Variants in USP47 observed in about 807,000 individuals in gnomAD.
USP47 encodes the protein ubiquitin specific peptidase 47, also known as ubiquitin carboxyl-terminal hydrolase 47.
Under a neutral mutation model 165.1 loss-of-function variants are expected in USP47, and 35 were observed. That is an observed-to-expected ratio of 0.21 (90% confidence interval 0.16 to 0.28). USP47 has a LOEUF of 0.28. Among genes scored for constraint, USP47 ranks in the 10% least tolerant of loss-of-function variants. The pLI, the probability that USP47 is intolerant of heterozygous loss-of-function variation, is 1.00. For missense variants in USP47, 1,277 were observed against 1,607.4 expected (o/e 0.79, Z 3.52); for synonymous variants, 531 against 544.5 (o/e 0.98, Z 0.35).
intron 4 of USP47, among the ~76,000 whole-genome samples, chr11:11,895,280 C>CA (rs895813214): frequency 6.6e-6 from 1 of 152,134 alleles, no homozygotes; most frequent in Non-Finnish European, 1.5e-5. Flanking sequence ...TACTGTTCCT[C>CA]ACACACCTCT....
chr11:11,874,740 G>A (rs916204586), intron 1 of USP47, among the ~76,000 whole-genome samples: 22 of 152,004 alleles, frequency 1.4e-4, no homozygotes, highest in African/African-American at 4.6e-4. Flanking sequence ...TTTATTTTTC[G>A]TAGAGACAAG....
rs761261873 is a variant in USP47, at chr11:11,903,234, A to G, written c.740-29A>G. ...GTTTCATTACATAAAGTTTATAGCT[A>G]TTTCTAATTGAATTTTATCTTAAAA... On this transcript the variant is annotated intron_variant, in intron 6 of 27. Transcript: ENST00000527733. The G allele has an allele frequency of 1.1e-4, 180 of 1,593,132 alleles. 1 individual carries two copies. The highest frequency in any genetic ancestry group is 1.0e-3 in the Middle Eastern group (6 of 6,020).
rs145565815 is a variant in USP47, at chr11:11,895,964, T to C, written c.497-1633T>C. Among the ~76,000 whole-genome samples, 502 of 152,360 alleles carry C rather than the reference T, an allele frequency of 3.3e-3. 3 individuals are homozygous for C. The highest frequency in any genetic ancestry group is 5.4e-3 in the Admixed American group (83 of 15,296). On this transcript the variant is annotated intron_variant, in intron 4 of 27. Coordinates refer to ENST00000527733, the MANE Select transcript of USP47 (RefSeq NM_001282659.2). ...TAACTATTTCAGATGTAGAATCCAC[T>C]TGATAATAGCTGCCATTTGAAGTTT... is the stretch of plus-strand genomic sequence containing the variant.
chr11:11,848,418 A>C (rs1362812803), intron 1 of USP47, among the ~76,000 whole-genome samples: 1 of 152,194 alleles, frequency 6.6e-6, no homozygotes, highest in East Asian at 1.9e-4. Flanking sequence ...GTACAGTAAA[A>C]ATATGGTATT....
intron 8 of USP47, among the ~76,000 whole-genome samples, chr11:11,908,097 A>C (rs560535123): frequency 1.3e-5 from 2 of 151,516 alleles, no homozygotes; most frequent in South Asian, 2.1e-4. Flanking sequence ...CAAAAAAAAC[A>C]AAAAAAGATA....
At chr11:11,882,313 A>ATG (rs1163380193) in intron 2 of USP47, among the ~76,000 whole-genome samples, 1 of 152,172 alleles carries the variant, frequency 6.6e-6, no homozygotes, top group Non-Finnish European at 1.5e-5. Context: ...GTGAAGTTGA[A>ATG]TGTGTATCCC....
intron 8 of USP47, among the ~76,000 whole-genome samples, chr11:11,911,722 G>A (rs1446105188): frequency 6.6e-6 from 1 of 152,130 alleles, no homozygotes; most frequent in African/African-American, 2.4e-5. Flanking sequence ...AAATAGCAAA[G>A]AGGTAGAACT....
chr11:11,921,156 T>C (rs1853807192), intron 10 of USP47, among the ~76,000 whole-genome samples: 1 of 151,802 alleles, frequency 6.6e-6, no homozygotes, highest in Non-Finnish European at 1.5e-5. Context: ...ACTCTTCTGA[T>C]TTTATTATGT....
chr11:11,868,967 G>A (rs1564856981), intron 1 of USP47, among the ~76,000 whole-genome samples: 1 of 151,740 alleles, frequency 6.6e-6, no homozygotes, highest in Non-Finnish European at 1.5e-5. Flanking sequence ...TGTGCTAATT[G>A]GATTGTTTGC....
chr11:11,881,653 G>A (rs868860496), intron 2 of USP47, among the ~76,000 whole-genome samples: 2 of 151,934 alleles, frequency 1.3e-5, no homozygotes, highest in South Asian at 4.2e-4. Context: ...TGGACTTTAG[G>A]GGAGGATTAT....
chr11:11,921,168 G>T (rs1487392341), intron 10 of USP47, among the ~76,000 whole-genome samples: 2 of 150,728 alleles, frequency 1.3e-5, no homozygotes, highest in African/African-American at 4.9e-5. Flanking sequence ...TTATTATGTG[G>T]AATACTTATA....
At chr11:11,952,434 AG>A (rs1856285222) in intron 24 of USP47, 1 of 169,018 alleles carries the variant, frequency 5.9e-6, no homozygotes, top group Non-Finnish European at 1.3e-5. Flanking sequence ...AGGAGCCAAT[AG>A]AGAAACAAAG....
intron 1 of USP47, among the ~76,000 whole-genome samples, chr11:11,858,770 G>T (rs1287033149): frequency 6.6e-6 from 1 of 152,124 alleles, no homozygotes; most frequent in African/African-American, 2.4e-5. Context: ...TTATTGCTGA[G>T]TGCCACAGTT....
At chr11:11,885,837 G>A (rs1307158076) in intron 3 of USP47, among the ~76,000 whole-genome samples, 6 of 152,160 alleles carry the variant, frequency 3.9e-5, no homozygotes, top group African/African-American at 1.4e-4. Context: ...GGTGCATTCA[G>A]GCCAGCAACA....
chr11:11,940,703 G>C (rs891840642), intron 19 of USP47, among the ~76,000 whole-genome samples, 155 bp downstream of exon 19: 1 of 151,930 alleles, frequency 6.6e-6, no homozygotes, highest in African/African-American at 2.4e-5. Flanking sequence ...TTTGTAGTCA[G>C]GTCAGGTCAG....
intron 17 of USP47, 35 bp from the exon 18 acceptor site, chr11:11,938,222 C>T (rs751075867): frequency 2.8e-5 from 44 of 1,575,444 alleles, no homozygotes; most frequent in Non-Finnish European, 3.1e-5. Context: ...AAAAAATAAC[C>T]TCCAATTCTG....
chr11:11,949,903 G>A lies in USP47; in HGVS notation c.3363G>A (p.Leu1121=). 1 of 1,611,616 alleles carries A rather than the reference G, an allele frequency of 6.2e-7. No homozygotes were observed. The highest frequency in any genetic ancestry group is 8.5e-7 in the Non-Finnish European group (1 of 1,178,650). Residue 1121 remains leucine, a synonymous_variant, in exon 23 of 28, where the codon CTG becomes CTA. Coordinates refer to ENST00000527733, the MANE Select transcript of USP47 (RefSeq NM_001282659.2). The stretch of plus-strand genomic sequence containing the variant: ...TATATTTCTAGCCATGCAAGTTTCT[G>A]CTAGATGCTGTGTTTGCTAAAGGAA... ...LVNEQEPCKF[L]LDAVFAKGMT...
intron 3 of USP47, among the ~76,000 whole-genome samples, chr11:11,888,379 A>G (rs1209028437): frequency 1.3e-5 from 2 of 152,200 alleles, no homozygotes; most frequent in Non-Finnish European, 1.5e-5. Context: ...TAAGGGGGAT[A>G]TCACCACTGA....
rs756555914 is a variant in USP47, at chr11:11,884,538, G to T, written c.315G>T (p.Leu105=). 8.1e-6 allele frequency: 13 copies of T among 1,611,522 alleles called. No individual in the cohort carries two copies. The highest frequency in any genetic ancestry group is 2.2e-5 in the East Asian group (1 of 44,744). Residue 105 remains leucine, a synonymous_variant, in exon 3 of 28, where the codon CTG becomes CTT. Coordinates refer to ENST00000527733, the MANE Select transcript of USP47 (RefSeq NM_001282659.2). ...TTGAGCCAGGAAAGAAGAACTTTCT[G>T]CATTTGACAGATAAAGATGGTGAAC... ...ANFEPGKKNF[L]HLTDKDGEQP...
Sources: gnomAD v4.1 joint callset for allele counts (sites outside exome capture counted in the v4.1 genomes callset) on GRCh38, gnomAD v4.1.1 for gene constraint, MANE v1.5 for transcripts, NCBI Gene and HGNC (gene_info 2026-07-23, HGNC 2026-07-21) for gene names.